Variants in M1AP observed in about 807,000 individuals in gnomAD.
M1AP encodes the protein meiosis 1 associated protein.
A neutral mutation model predicts 51.2 loss-of-function variants in M1AP; 39 were observed. The observed-to-expected ratio is 0.76, with a 90% CI of 0.59 to 1.00. The LOEUF is 1.00. M1AP is among the 50% of genes least tolerant of loss of function. The probability of loss-of-function intolerance (pLI) is 0.00; values close to 1 mark genes in which losing one functional copy is unlikely to be tolerated. For missense variants in M1AP, 545 were observed against 641.2 expected (o/e 0.85, Z 1.62); for synonymous variants, 251 against 249.2 (o/e 1.01, Z -0.07).
intron 2 of M1AP, among the ~76,000 whole-genome samples, chr2:74,616,040 C>T (rs1479429398): frequency 2.0e-5 from 3 of 152,188 alleles, no homozygotes; most frequent in Non-Finnish European, 4.4e-5. Context: ...CTGGGCTTAG[C>T]TCCACAGTTG....
At position 74,641,793 on chromosome 2, in the gene M1AP, A is replaced by G. The variant is rs1326890686; in HGVS notation, c.-52-1466T>C. ...GCCCAGCCAAGAATTTCAATCTTAA[A>G]CAAATTATTTTAAGAACAGAAGAAC... is the stretch of plus-strand genomic sequence containing the variant. On this transcript the variant is annotated intron_variant, in intron 1 of 10. Coordinates refer to ENST00000421985, the MANE Select transcript of M1AP (RefSeq NM_001321739.2). 2.6e-5 allele frequency among the ~76,000 whole-genome samples: 4 copies of G among 151,284 alleles called. 1 individual carries two copies. The highest frequency in any genetic ancestry group is 2.0e-4 in the Admixed American group (3 of 15,174).
At chr2:74,647,314 A>C in intron 1 of M1AP, 1 of 985,186 alleles carries the variant, frequency 1.0e-6, no homozygotes, top group Non-Finnish European at 1.2e-6. Context: ...GCCTCTGCGG[A>C]TGTTCTGTTC....
intron 1 of M1AP, among the ~76,000 whole-genome samples, chr2:74,644,960 T>C (rs1683514884): frequency 1.3e-5 from 2 of 152,172 alleles, no homozygotes; most frequent in South Asian, 4.1e-4. Flanking sequence ...CATTTTAAAG[T>C]AGAGGCAGGA....
chr2:74,586,639 G>A lies in M1AP; in HGVS notation c.596-4792C>T, dbSNP rs562965036. Among the ~76,000 whole-genome samples the A allele has an allele frequency of 3.3e-5, 5 of 152,162 alleles. No individual in the cohort carries two copies. In the East Asian group the frequency reaches 7.7e-4, roughly 23 times the overall value. ...ACTGCTGATTTATTTTTTTTTAAAGGATTTTCTTCTCTTTTCCTGAGTTTA... is the reference window on the plus strand; with the variant it reads ...ACTGCTGATTTATTTTTTTTTAAAGAATTTTCTTCTCTTTTCCTGAGTTTA... On this transcript the variant is annotated intron_variant, in intron 4 of 10. Transcript: ENST00000421985.
rs557951194 is a variant in M1AP at position 74,558,374 on chromosome 2, C to A, written c.*342G>T. The A allele has an allele frequency of 4.7e-5, 11 of 233,468 alleles. No homozygotes were observed. Among genetic ancestry groups the A allele is most frequent in the African/African-American group, 2.3e-4 (10 of 42,764 alleles). The allele number at this position is 233,468 out of a possible 1,614,324, so 14.5% of individuals were successfully genotyped here. On this transcript the variant is annotated 3_prime_UTR_variant, in exon 11 of 11. Coordinates refer to ENST00000421985, the MANE Select transcript of M1AP (RefSeq NM_001321739.2). ...TTACCAAAGGTGATCTGACCTCATC[C>A]ACCTGCTTACACAGAGCTACAAGAA... is the stretch of plus-strand genomic sequence containing the variant.
At chr2:74,599,113 A>T (rs1401419134) in intron 4 of M1AP, among the ~76,000 whole-genome samples, 2 of 152,036 alleles carry the variant, frequency 1.3e-5, no homozygotes, top group Admixed American at 1.3e-4. Context: ...CCCTGTCTCT[A>T]CTAAAAATAC....
chr2:74,601,156 A>C lies in M1AP; in HGVS notation c.595+5899T>G, dbSNP rs140375803. Among the ~76,000 whole-genome samples, 209 of 152,282 alleles carry C rather than the reference A, an allele frequency of 1.4e-3. 4 individuals are homozygous for C. The East Asian group carries it at 0.036, about 26-fold the overall frequency. ...TGAGAAATTTGTGGAATAAAGAGTT[A>C]AATTAACTTGTTCAAGGTTACATAG... On this transcript the variant is annotated intron_variant, in intron 4 of 10. Transcript: ENST00000421985.
chr2:74,578,986 A>G (rs1679247553), intron 5 of M1AP, among the ~76,000 whole-genome samples: 1 of 152,174 alleles, frequency 6.6e-6, no homozygotes, highest in South Asian at 2.1e-4. Context: ...CCACCCTAGA[A>G]GAGGCCTAAT....
intron 6 of M1AP, 49 bp from the exon 7 acceptor site, chr2:74,575,628 C>T (rs371648503): frequency 1.4e-6 from 2 of 1,427,380 alleles, no homozygotes; most frequent in Middle Eastern, 1.9e-4. Flanking sequence ...TATCTAGAAC[C>T]TCCACCTAGA....
chr2:74,570,185 A>G (rs1283443964), intron 7 of M1AP, among the ~76,000 whole-genome samples: 1 of 152,190 alleles, frequency 6.6e-6, no homozygotes, highest in Non-Finnish European at 1.5e-5. Flanking sequence ...TAGTGAGGGT[A>G]AGCAAGTTGC....
chr2:74,570,606 T>C (rs888186862), intron 7 of M1AP, among the ~76,000 whole-genome samples: 3 of 152,160 alleles, frequency 2.0e-5, no homozygotes, highest in African/African-American at 7.2e-5. Flanking sequence ...GAAGTACCAT[T>C]TGAGTTTGGT....
Position 74,604,409 on chromosome 2 carries a change from T to C in M1AP, c.595+2646A>G, listed in dbSNP as rs988109969. ...TTCCACAGATGTGTGGTTGGAATGG[T>C]TTTGGGATGAAACTGTTCCACCTCT... is the stretch of plus-strand genomic sequence containing the variant. On this transcript the variant is annotated intron_variant, in intron 4 of 10. Coordinates refer to ENST00000421985, the MANE Select transcript of M1AP (RefSeq NM_001321739.2). 5.9e-5 allele frequency among the ~76,000 whole-genome samples: 9 copies of C among 152,286 alleles called. No individual in the cohort carries two copies. The South Asian group carries it at 6.2e-4, about 11-fold the overall frequency.
At chr2:74,647,155 T>TA in intron 1 of M1AP, 1 of 928,872 alleles carries the variant, frequency 1.1e-6, no homozygotes, top group Non-Finnish European at 1.3e-6. Context: ...GACTTCCAAT[T>TA]ACACCACTGG....
chr2:74,605,582 C>T (rs538736591), intron 4 of M1AP, among the ~76,000 whole-genome samples: 2 of 152,124 alleles, frequency 1.3e-5, no homozygotes, highest in East Asian at 3.9e-4. Context: ...AGAACTTACT[C>T]ATCTTTTTCA....
Position 74,648,320 on chromosome 2 carries a change from C to T in M1AP, c.-108G>A, listed in dbSNP as rs1342671637. ...TGGTCCTCCCGGCTCTCAGCGTGCG[C>T]CCGCGCGTTCGGAGGCGCCCCCCTC... On this transcript the variant is annotated 5_prime_UTR_variant, in exon 1 of 11. Coordinates refer to ENST00000421985, the MANE Select transcript of M1AP (RefSeq NM_001321739.2). 6.1e-6 allele frequency: 6 copies of T among 985,584 alleles called. No homozygotes were observed. The highest frequency in any genetic ancestry group is 5.2e-4 in the Middle Eastern group (1 of 1,912). The allele number at this position is 985,584 out of a possible 1,614,324, so 61.1% of individuals were successfully genotyped here. A position where few individuals can be genotyped will look rare whatever the true frequency, so the allele number is the denominator to read the frequency against.
chr2:74,618,342 TG>T (rs1386505883), intron 2 of M1AP, among the ~76,000 whole-genome samples: 2 of 152,186 alleles, frequency 1.3e-5, no homozygotes, highest in African/African-American at 2.4e-5. Flanking sequence ...AGACACCACC[TG>T]TACCTGTCAA....
At chr2:74,562,798 C>T (rs765842435) in intron 7 of M1AP, among the ~76,000 whole-genome samples, 2 of 152,040 alleles carry the variant, frequency 1.3e-5, no homozygotes, top group East Asian at 1.9e-4. Context: ...TGACTGTACC[C>T]GTAGCTACTC....
rs1188013311 is a variant in M1AP, at chr2:74,611,882, GTTTTTTTTTTTTT to G, written c.426+3069_426+3081del. Among the ~76,000 whole-genome samples, 139 of 42,944 alleles carry G rather than the reference GTTTTTTTTTTTTT, an allele frequency of 3.2e-3. 2 individuals carry two copies. Among genetic ancestry groups the G allele is most frequent in the African/African-American group, 8.9e-3 (86 of 9,626 alleles). 28.2% of individuals were successfully genotyped at this position (42,944 alleles called of 152,430 possible). A position where few individuals can be genotyped will look rare whatever the true frequency, so the allele number is the denominator to read the frequency against. Reference sequence around the variant, plus strand: ...AGAAAAAAAACAACAACAAAAAAGTGTTTTTTTTTTTTTTTTTTTTTTTTTTTTTGAGACAGTG... The same window carrying G: ...AGAAAAAAAACAACAACAAAAAAGTGTTTTTTTTTTTTTTTTGAGACAGTG... On this transcript the variant is annotated intron_variant, in intron 3 of 10. Coordinates refer to ENST00000421985, the MANE Select transcript of M1AP (RefSeq NM_001321739.2).
chr2:74,568,315 T>C (rs1416879551), intron 7 of M1AP, among the ~76,000 whole-genome samples: 1 of 152,258 alleles, frequency 6.6e-6, no homozygotes, highest in Non-Finnish European at 1.5e-5. Context: ...CTGGTTCTCC[T>C]GCCTAGAACA....
Sources: allele counts gnomAD v4.1 joint callset (sites outside exome capture counted in the v4.1 genomes callset), GRCh38; gene constraint gnomAD v4.1.1; transcripts MANE v1.5; gene names NCBI Gene and HGNC (gene_info 2026-07-23, HGNC 2026-07-21).